CA10: variants seen among roughly 807,000 people sequenced by gnomAD.
CA10 encodes carbonic anhydrase 10 (inactive).
A neutral mutation model predicts 44.2 loss-of-function variants in CA10; 14 were observed. That is an observed-to-expected ratio of 0.32 (90% confidence interval 0.21 to 0.50). The LOEUF (loss-of-function observed/expected upper bound fraction) is 0.50, where lower values mean the gene tolerates loss of function less well. Among genes scored for constraint, CA10 ranks in the 20% least tolerant of loss-of-function variants. The pLI, the probability that CA10 is intolerant of heterozygous loss-of-function variation, is 0.99. For missense variants in CA10, 350 were observed against 409.7 expected (o/e 0.85, Z 1.26); for synonymous variants, 159 against 141.6 (o/e 1.12, Z -0.87).
rs538171620 is a variant in CA10, at chr17:51,935,061, T to C, written c.137-3929A>G. On this transcript the variant is annotated intron_variant, in intron 2 of 8. Transcript: ENST00000451037. ...AAGATTTAGAGTGAGAAACTTGCCC[T>C]GTGGGTTTGTGCAGAACTGTCAGTT... is the stretch of plus-strand genomic sequence containing the variant. Among the ~76,000 whole-genome samples the C allele has an allele frequency of 2.0e-5, 3 of 152,222 alleles. No homozygotes were observed. The South Asian group carries it at 6.2e-4, about 32-fold the overall frequency.
chr17:51,823,427 G>T (rs1907892893), intron 3 of CA10, among the ~76,000 whole-genome samples: 1 of 152,206 alleles, frequency 6.6e-6, no homozygotes, highest in African/African-American at 2.4e-5. Flanking sequence ...AAGGAATCAT[G>T]TTCACTTTGG....
intron 3 of CA10, among the ~76,000 whole-genome samples, chr17:51,870,461 G>A (rs776797987): frequency 1.3e-5 from 2 of 152,176 alleles, no homozygotes; most frequent in Non-Finnish European, 2.9e-5. Context: ...AGTCCATCAA[G>A]GTGCTATAAA....
chr17:51,678,237 T>C (rs929282512), intron 4 of CA10, among the ~76,000 whole-genome samples: 4 of 152,180 alleles, frequency 2.6e-5, no homozygotes, highest in African/African-American at 9.7e-5. Flanking sequence ...GTGACTTTAA[T>C]AGATAATGGG....
intron 2 of CA10, among the ~76,000 whole-genome samples, chr17:51,989,633 G>C (rs2144101416): frequency 6.6e-6 from 1 of 152,198 alleles, no homozygotes; most frequent in Non-Finnish European, 1.5e-5. Flanking sequence ...AAAAAAGAAT[G>C]AGATCATGTC....
At chr17:51,977,645 A>G (rs543024094) in intron 2 of CA10, among the ~76,000 whole-genome samples, 7 of 152,118 alleles carry the variant, frequency 4.6e-5, no homozygotes, top group Non-Finnish European at 1.0e-4. Flanking sequence ...ACAGATGTAT[A>G]TTGACAGCAT....
chr17:52,146,264 A>C (rs1403003896), intron 1 of CA10, among the ~76,000 whole-genome samples: 1 of 152,200 alleles, frequency 6.6e-6, no homozygotes, highest in Non-Finnish European at 1.5e-5. Context: ...ATAAAAAAAA[A>C]ATAAGATGTG....
In CA10 at chr17:52,158,122, G is replaced by C; in HGVS notation, c.-336C>G. On this transcript the variant is annotated 5_prime_UTR_variant, in exon 1 of 9. Transcript: ENST00000451037. The stretch of plus-strand genomic sequence containing the variant: ...TAGCAGCGGCGGCGGCGGCGGCGGC[G>C]GCAGCAGCCACCTGAAGCCACCAAC... 1.6e-5 allele frequency: 7 copies of C among 444,126 alleles called. No individual in the cohort carries two copies. Among genetic ancestry groups the C allele is most frequent in the Non-Finnish European group, 2.5e-5 (6 of 242,500 alleles). 27.5% of individuals were successfully genotyped at this position (444,126 alleles called of 1,614,324 possible).
chr17:51,639,066 C>T (rs866957439), intron 6 of CA10, among the ~76,000 whole-genome samples: 6 of 151,996 alleles, frequency 3.9e-5, no homozygotes, highest in Middle Eastern at 3.2e-3. Flanking sequence ...GGACTTCATC[C>T]GGAGGCAATG....
At chr17:51,695,197 A>G (rs1915359091) in intron 4 of CA10, among the ~76,000 whole-genome samples, 1 of 152,068 alleles carries the variant, frequency 6.6e-6, no homozygotes, top group Non-Finnish European at 1.5e-5. Flanking sequence ...GTGAAAAATG[A>G]TGGTAGCTTG....
chr17:51,767,787 CA>C (rs1165107115), intron 3 of CA10, among the ~76,000 whole-genome samples: 2 of 151,118 alleles, frequency 1.3e-5, no homozygotes, highest in Non-Finnish European at 2.9e-5. Flanking sequence ...GACAGATCAT[CA>C]GTCATTAGAT....
At chr17:52,040,145 C>T (rs372709956) in intron 2 of CA10, among the ~76,000 whole-genome samples, 25 of 139,038 alleles carry the variant, frequency 1.8e-4, no homozygotes, top group Non-Finnish European at 2.8e-4. Context: ...TCTTTTTTTT[C>T]TTTTTTTTTT....
chr17:51,904,777 C>T (rs549875850), intron 3 of CA10, among the ~76,000 whole-genome samples: 5 of 152,216 alleles, frequency 3.3e-5, no homozygotes, highest in East Asian at 1.9e-4. Context: ...CTCTATCCTA[C>T]GCTGCTTCTG....
rs549991695 is a variant in CA10 at position 52,023,839 on chromosome 17, C to T, written c.136+48480G>A. Reference sequence around the variant, plus strand: ...CATAATTTGTGTTGAATGAAGTCTGCATTTTATGTCTTTTTCTTTAAAGGT... The same window carrying T: ...CATAATTTGTGTTGAATGAAGTCTGTATTTTATGTCTTTTTCTTTAAAGGT... On this transcript the variant is annotated intron_variant, in intron 2 of 8. Coordinates refer to ENST00000451037, the MANE Select transcript of CA10 (RefSeq NM_020178.5). Among the ~76,000 whole-genome samples, 14 of 152,118 alleles carry T rather than the reference C, an allele frequency of 9.2e-5. No individual in the cohort carries two copies. In the East Asian group the frequency reaches 2.7e-3, roughly 29 times the overall value.
At chr17:51,817,339 A>G (rs1233753137) in intron 3 of CA10, among the ~76,000 whole-genome samples, 1 of 152,192 alleles carries the variant, frequency 6.6e-6, no homozygotes, top group Non-Finnish European at 1.5e-5. Flanking sequence ...TGAGTAGTTG[A>G]GACAGAGATC....
intron 4 of CA10, among the ~76,000 whole-genome samples, chr17:51,664,688 T>A (rs1597971555): frequency 6.6e-6 from 1 of 152,028 alleles, no homozygotes; most frequent in East Asian, 1.9e-4. Flanking sequence ...GGCCAAAGCA[T>A]GTCTCTGTGA....
intron 4 of CA10, among the ~76,000 whole-genome samples, chr17:51,697,715 T>C (rs1403176462): frequency 1.3e-5 from 2 of 152,216 alleles, no homozygotes; most frequent in African/African-American, 4.8e-5. Context: ...GCCTGGCACA[T>C]AGAAGGCACC....
intron 4 of CA10, among the ~76,000 whole-genome samples, chr17:51,717,382 A>G (rs149065799): frequency 1.4e-3 from 216 of 151,922 alleles, no homozygotes; most frequent in African/African-American, 4.9e-3. Flanking sequence ...AAGTAGTACT[A>G]CTATTTGATC....
intron 2 of CA10, among the ~76,000 whole-genome samples, chr17:52,049,279 G>C (rs1295966681): frequency 1.3e-5 from 2 of 152,120 alleles, no homozygotes; most frequent in African/African-American, 2.4e-5. Context: ...CAGCTGGACT[G>C]CCTGGGTTTG....
intron 3 of CA10, among the ~76,000 whole-genome samples, chr17:51,810,951 G>A (rs964719957): frequency 6.6e-6 from 1 of 152,196 alleles, no homozygotes; most frequent in East Asian, 1.9e-4. Context: ...AGTGGCTTAC[G>A]CCTGTAATCC....
Sources: gnomAD v4.1 joint callset for allele counts (sites outside exome capture counted in the v4.1 genomes callset) on GRCh38, gnomAD v4.1.1 for gene constraint, MANE v1.5 for transcripts, NCBI Gene and HGNC (gene_info 2026-07-23, HGNC 2026-07-21) for gene names.